Variants in NAPEPLD observed in about 807,000 individuals in gnomAD.
NAPEPLD encodes N-acyl-phosphatidylethanolamine-hydrolyzing phospholipase D.
In NAPEPLD, 23 loss-of-function variants were observed where a neutral mutation model predicts 38.1. The ratio of observed to expected loss-of-function variants is 0.60; its 90% CI spans 0.43 to 0.86. NAPEPLD has a LOEUF of 0.86. Among genes scored for constraint, NAPEPLD ranks in the 40% least tolerant of loss-of-function variants. The pLI, the probability that NAPEPLD is intolerant of heterozygous loss-of-function variation, is 0.00. For missense variants in NAPEPLD, 411 were observed against 476.8 expected, an observed-to-expected ratio of 0.86 and a Z score of 1.28; for synonymous variants, 147 against 162.0, an observed-to-expected ratio of 0.91 and a Z score of 0.71.
intron 4 of NAPEPLD, among the ~76,000 whole-genome samples, chr7:103,107,448 C>A (rs975116674): frequency 6.6e-6 from 1 of 151,820 alleles, no homozygotes; most frequent in African/African-American, 2.4e-5. Context: ...AATAACAAAC[C>A]CCTCCGAGCT....
intron 1 of NAPEPLD, chr7:103,141,806 A>C: frequency 1.1e-6 from 1 of 902,666 alleles, no homozygotes; most frequent in Non-Finnish European, 1.9e-6. Context: ...CCCATCTTTG[A>C]TCAGCTTCCG....
At chr7:103,128,948 G>T (rs368831835) in intron 1 of NAPEPLD, among the ~76,000 whole-genome samples, 156 bp from the exon 2 acceptor site, 2 of 152,256 alleles carry the variant, frequency 1.3e-5, no homozygotes, top group East Asian at 3.9e-4. Flanking sequence ...CACAATTTTA[G>T]AATACAGTAT....
chr7:103,137,804 A>G (rs544013878), intron 1 of NAPEPLD, among the ~76,000 whole-genome samples: 1 of 126,586 alleles, frequency 7.9e-6, no homozygotes, highest in South Asian at 3.0e-4. Flanking sequence ...TGACAGAGCA[A>G]GATGCTGTCT....
intron 1 of NAPEPLD, among the ~76,000 whole-genome samples, chr7:103,134,698 A>T (rs908966770): frequency 6.6e-6 from 1 of 152,232 alleles, no homozygotes; most frequent in Non-Finnish European, 1.5e-5. Context: ...AGAACAATGT[A>T]TTACAAAAAG....
At chr7:103,147,960 C>T in intron 1 of NAPEPLD, 1 of 977,414 alleles carries the variant, frequency 1.0e-6, no homozygotes, top group Non-Finnish European at 1.2e-6. Context: ...AGTACTTTTA[C>T]CCTAAATTTC....
chr7:103,115,464 A>T (rs968006828), intron 3 of NAPEPLD: 1 of 259,234 alleles, frequency 3.9e-6, no homozygotes, highest in Non-Finnish European at 7.2e-6. Context: ...AAAACAAGCA[A>T]AAGTCTTTCT....
At position 103,103,287 on chromosome 7, in the gene NAPEPLD, TACACAAA is replaced by T; in HGVS notation, c.*135_*141del. On this transcript the variant is annotated 3_prime_UTR_variant, in exon 5 of 5. Coordinates refer to ENST00000465647, the MANE Select transcript of NAPEPLD (RefSeq NM_001122838.3). ...CTGATCATACTAGGAAGCAAGTTAT[TACACAAA>T]ACATAAAACATAAACTTGCAGAAGT... 9.6e-7 allele frequency: 1 copy of T among 1,046,896 alleles called. No individual in the cohort carries two copies. Among genetic ancestry groups the T allele is most frequent in the Non-Finnish European group, 1.4e-6 (1 of 735,128 alleles). 64.9% of individuals were successfully genotyped at this position (1,046,896 alleles called of 1,614,324 possible). A position where few individuals can be genotyped will look rare whatever the true frequency, so the allele number is the denominator to read the frequency against.
In NAPEPLD at chr7:103,148,822, T is replaced by C; in HGVS notation, c.-28A>G. The C allele has an allele frequency of 1.0e-6, 1 of 985,292 alleles. No individual in the cohort carries two copies. Among genetic ancestry groups the C allele is most frequent in the Non-Finnish European group, 1.2e-6 (1 of 829,902 alleles). The allele number at this position is 985,292 out of a possible 1,614,324, so 61.0% of individuals were successfully genotyped here. A position where few individuals can be genotyped will look rare whatever the true frequency, so the allele number is the denominator to read the frequency against. ...GAAGATAAACCCACATGTATTCCTA[T>C]CAGTGAAGATGCAACCTGGTAATTT... On this transcript the variant is annotated 5_prime_UTR_variant, in exon 1 of 5. Coordinates refer to ENST00000465647, the MANE Select transcript of NAPEPLD (RefSeq NM_001122838.3).
intron 4 of NAPEPLD, among the ~76,000 whole-genome samples, chr7:103,112,160 G>T (rs1280742124): frequency 3.3e-5 from 5 of 152,190 alleles, no homozygotes; most frequent in Non-Finnish European, 5.9e-5. Context: ...TGGTGGGAGT[G>T]TAAATTAGTT....
At chr7:103,132,049 G>A (rs1809063423) in intron 1 of NAPEPLD, among the ~76,000 whole-genome samples, 1 of 152,190 alleles carries the variant, frequency 6.6e-6, no homozygotes, top group Non-Finnish European at 1.5e-5. Context: ...AGGAGGCGGA[G>A]GTTGCGGAGA....
At chr7:103,103,667 CTT>C in intron 4 of NAPEPLD, 113 bp from the exon 5 acceptor site, 3 of 1,117,156 alleles carry the variant, frequency 2.7e-6, no homozygotes, top group Non-Finnish European at 3.7e-6. Context: ...GAATTAGGCC[CTT>C]TCTTTTAATT....
chr7:103,124,130 G>A (rs987776724), intron 2 of NAPEPLD, among the ~76,000 whole-genome samples: 44 of 151,970 alleles, frequency 2.9e-4, no homozygotes, highest in Non-Finnish European at 7.4e-5. Flanking sequence ...GTGAGATCCT[G>A]TCTCTATTTA....
rs1332285795 is a variant in NAPEPLD at position 103,101,446 on chromosome 7, G to T, written c.*1983C>A. 1 of 152,270 alleles carries T rather than the reference G, an allele frequency of 6.6e-6. No individual in the cohort carries two copies. The highest frequency in any genetic ancestry group is 1.9e-4 in the East Asian group (1 of 5,198). The allele number at this position is 152,270 out of a possible 1,614,324, so 9.4% of individuals were successfully genotyped here. On this transcript the variant is annotated 3_prime_UTR_variant, in exon 5 of 5. Coordinates refer to ENST00000465647, the MANE Select transcript of NAPEPLD (RefSeq NM_001122838.3). Reference sequence around the variant, plus strand: ...CTATTACTCCAATTTAAAAATCAGTGAAAGTTTTCAATGTTTAGTCTCCTA... The same window carrying T: ...CTATTACTCCAATTTAAAAATCAGTTAAAGTTTTCAATGTTTAGTCTCCTA...
intron 1 of NAPEPLD, among the ~76,000 whole-genome samples, chr7:103,134,404 C>T (rs904882687): frequency 1.6e-4 from 25 of 152,284 alleles, no homozygotes; most frequent in Middle Eastern, 6.8e-3. Flanking sequence ...AATCCCAGCA[C>T]TTTGGCAGGC....
chr7:103,103,706 A>C, intron 4 of NAPEPLD, 152 bp from the exon 5 acceptor site: 2 of 737,958 alleles, frequency 2.7e-6, no homozygotes, highest in Non-Finnish European at 4.2e-6. Flanking sequence ...GGTCTATCAC[A>C]TTTTCTAATA....
rs1386360157 is a variant in NAPEPLD at position 103,102,002 on chromosome 7, C to CG, written c.*1426_*1427insC. The CG allele has an allele frequency of 1.6e-5, 2 of 122,368 alleles. No homozygotes were observed. The highest frequency in any genetic ancestry group is 3.4e-5 in the Non-Finnish European group (2 of 58,126). The allele number at this position is 122,368 out of a possible 1,614,324, so 7.6% of individuals were successfully genotyped here. A position where few individuals can be genotyped will look rare whatever the true frequency, so the allele number is the denominator to read the frequency against. ...ACTAAATCTTATGTCAACTGACTCC[C>CG]CCCCCGCCCCCCAACCACTGGCATT... On this transcript the variant is annotated 3_prime_UTR_variant, in exon 5 of 5. Coordinates refer to ENST00000465647, the MANE Select transcript of NAPEPLD (RefSeq NM_001122838.3).
chr7:103,141,041 T>A (rs1811195649), intron 1 of NAPEPLD, among the ~76,000 whole-genome samples: 1 of 152,078 alleles, frequency 6.6e-6, no homozygotes, highest in Non-Finnish European at 1.5e-5. Context: ...TATTCTTGCC[T>A]CTCTTACCCA....
chr7:103,136,160 G>A (rs534793125), intron 1 of NAPEPLD, among the ~76,000 whole-genome samples: 9 of 151,734 alleles, frequency 5.9e-5, no homozygotes, highest in Non-Finnish European at 1.3e-4. Flanking sequence ...CCAGCTACTC[G>A]GGAGGTTGAG....
chr7:103,110,344 T>C (rs1235301611), intron 4 of NAPEPLD, among the ~76,000 whole-genome samples: 1 of 152,136 alleles, frequency 6.6e-6, no homozygotes, highest in Non-Finnish European at 1.5e-5. Flanking sequence ...TCCTCAATAA[T>C]GGCAAACTGA....
Sources: allele counts gnomAD v4.1 joint callset (sites outside exome capture counted in the v4.1 genomes callset), GRCh38; gene constraint gnomAD v4.1.1; transcripts MANE v1.5; gene names NCBI Gene and HGNC (gene_info 2026-07-23, HGNC 2026-07-21).